The following RANBP2 variants were observed in gnomAD, a reference collection of about 807,000 sequenced individuals.
RANBP2 encodes the protein RAN binding protein 2.
RANBP2 carries 57 observed loss-of-function variants against 303.6 expected under a neutral mutation model. The ratio of observed to expected loss-of-function variants is 0.19; its 90% CI spans 0.15 to 0.23. The LOEUF (loss-of-function observed/expected upper bound fraction) is 0.23, where lower values mean the gene tolerates loss of function less well. Among genes scored for constraint, RANBP2 ranks in the 10% least tolerant of loss-of-function variants. RANBP2 has a pLI of 1.00. For missense variants in RANBP2, 3,138 were observed against 3,780.8 expected (o/e 0.83, Z 4.46); for synonymous variants, 1,167 against 1,301.5 (o/e 0.90, Z 2.23).
the RANBP2 span, among the ~76,000 whole-genome samples, chr2:109,718,540 C>A: frequency 6.6e-6 from 1 of 152,122 alleles, no homozygotes; most frequent in South Asian, 2.1e-4. Context: ...TTTGTAGTTG[C>A]TCAGGGTTGG....
At chr2:108,927,815 G>C in the RANBP2 span, among the ~76,000 whole-genome samples, 2 of 152,024 alleles carry the variant, frequency 1.3e-5, no homozygotes, top group African/African-American at 2.4e-5. Context: ...TCCCCACCAA[G>C]CACCCTCTTG....
the RANBP2 span, among the ~76,000 whole-genome samples, chr2:109,766,557 T>C: frequency 6.6e-6 from 1 of 150,626 alleles, no homozygotes; most frequent in Admixed American, 6.8e-5. Flanking sequence ...CTTCCTGTGT[T>C]CCAGATTCTC....
chr2:109,344,494 C>T, the RANBP2 span, among the ~76,000 whole-genome samples: 2,743 of 152,326 alleles, frequency 0.018, 86 homozygotes, highest in African/African-American at 0.062. Context: ...CCTCGGCTGC[C>T]GTGCCGAGGA....
At chr2:108,911,569 G>A in the RANBP2 span, among the ~76,000 whole-genome samples, 2 of 152,300 alleles carry the variant, frequency 1.3e-5, no homozygotes, top group Admixed American at 6.5e-5. Context: ...GGGGTGCCTC[G>A]GCTGGGCCAC....
At chr2:108,913,989 G>A in the RANBP2 span, among the ~76,000 whole-genome samples, 5 of 150,644 alleles carry the variant, frequency 3.3e-5, no homozygotes, top group South Asian at 4.2e-4. Flanking sequence ...GGCCGGGCGC[G>A]GTAGCTCATG....
chr2:109,276,621 T>C, the RANBP2 span, among the ~76,000 whole-genome samples: 3 of 152,242 alleles, frequency 2.0e-5, no homozygotes, highest in African/African-American at 4.8e-5. Context: ...TGTTTTGCCA[T>C]GGTGCTTTGG....
At chr2:109,740,422 G>T in the RANBP2 span, among the ~76,000 whole-genome samples, 1 of 152,118 alleles carries the variant, frequency 6.6e-6, no homozygotes, top group African/African-American at 2.4e-5. Context: ...AGATTCAGCA[G>T]GCATAAAATC....
chr2:108,917,402 G>C, the RANBP2 span, among the ~76,000 whole-genome samples: 721 of 152,318 alleles, frequency 4.7e-3, 7 homozygotes, highest in South Asian at 0.022. Flanking sequence ...AGCTACAAGA[G>C]AGGATTTGCA....
the RANBP2 span, among the ~76,000 whole-genome samples, chr2:109,072,822 A>T: frequency 6.6e-6 from 1 of 151,808 alleles, no homozygotes; most frequent in Non-Finnish European, 1.5e-5. Context: ...CTGACTCCTG[A>T]CTCACCTGTC....
the RANBP2 span, among the ~76,000 whole-genome samples, chr2:109,049,693 T>C: frequency 6.6e-6 from 1 of 152,250 alleles, no homozygotes; most frequent in Non-Finnish European, 1.5e-5. Flanking sequence ...GGACTTTCAT[T>C]ATCCAGGCCC....
the RANBP2 span, among the ~76,000 whole-genome samples, chr2:108,947,651 G>A: frequency 6.6e-6 from 1 of 152,202 alleles, no homozygotes; most frequent in Admixed American, 6.5e-5. Flanking sequence ...TGAAGCAATG[G>A]CCTGAGCTGT....
chr2:109,370,572 T>C, the RANBP2 span, among the ~76,000 whole-genome samples: 1 of 152,000 alleles, frequency 6.6e-6, no homozygotes, highest in Non-Finnish European at 1.5e-5. Flanking sequence ...ACAGCTGTTT[T>C]CTCCTTCCCC....
At chr2:109,590,133 T>A in the RANBP2 span, among the ~76,000 whole-genome samples, 1 of 151,478 alleles carries the variant, frequency 6.6e-6, no homozygotes, top group Non-Finnish European at 1.5e-5. Flanking sequence ...CACATACAGA[T>A]GTAAATATCT....
At chr2:109,794,580 CGGGGGG>C in the RANBP2 span, 1 of 899,514 alleles carries the variant, frequency 1.1e-6, no homozygotes. Context: ...TCGACCCGGC[CGGGGGG>C]CGGCGGCGGC....
At chr2:109,185,190 T>A in the RANBP2 span, among the ~76,000 whole-genome samples, 1 of 152,238 alleles carries the variant, frequency 6.6e-6, no homozygotes, top group Non-Finnish European at 1.5e-5. Context: ...CCATTGGGAT[T>A]TAAAGGGTGG....
At chr2:108,850,879 T>C in the RANBP2 span, among the ~76,000 whole-genome samples, 1 of 152,076 alleles carries the variant, frequency 6.6e-6, no homozygotes, top group African/African-American at 2.4e-5. Flanking sequence ...TGGAGGTTTT[T>C]CCCCACATAC....
chr2:109,404,608 C>A, the RANBP2 span, among the ~76,000 whole-genome samples: 1 of 152,146 alleles, frequency 6.6e-6, no homozygotes, highest in Non-Finnish European at 1.5e-5. Flanking sequence ...CACGGGCACA[C>A]AGGGCCTGGG....
At chr2:108,759,671 C>G (rs1473638321) in intron 18 of RANBP2, among the ~76,000 whole-genome samples, 1 of 151,564 alleles carries the variant, frequency 6.6e-6, no homozygotes, top group East Asian at 1.9e-4. Context: ...TGTCATAAGT[C>G]ATAGATAAGT....
chr2:109,320,175 C>T, the RANBP2 span, among the ~76,000 whole-genome samples: 1 of 152,178 alleles, frequency 6.6e-6, no homozygotes, highest in Non-Finnish European at 1.5e-5. Context: ...TTCTCATGGC[C>T]GTCACAGCCC....
Sources: allele counts gnomAD v4.1 joint callset (sites outside exome capture counted in the v4.1 genomes callset), GRCh38; gene constraint gnomAD v4.1.1; transcripts MANE v1.5; gene names NCBI Gene and HGNC (gene_info 2026-07-23, HGNC 2026-07-21).